CTR9: variants seen among roughly 807,000 people sequenced by gnomAD.
CTR9 encodes RNA polymerase-associated protein CTR9 homolog.
A neutral mutation model predicts 152.1 loss-of-function variants in CTR9; 41 were observed. The observed-to-expected ratio is 0.27, with a 90% CI of 0.21 to 0.35. The LOEUF (loss-of-function observed/expected upper bound fraction) is 0.35, where lower values mean the gene tolerates loss of function less well. Among genes scored for constraint, CTR9 ranks in the 10% least tolerant of loss-of-function variants. The pLI, the probability that CTR9 is intolerant of heterozygous loss-of-function variation, is 1.00. For missense variants in CTR9, 917 were observed against 1,424.4 expected (o/e 0.64, Z 5.73); for synonymous variants, 476 against 496.2 (o/e 0.96, Z 0.54).
chr11:10,764,343 C>G lies in CTR9; in HGVS notation c.1320C>G (p.Ile440Met). Reference sequence around the variant, plus strand: ...CAGCCTATGGAACAGCAACACGAATCCTTCAGGAGAAAGTGCAGGCCGATG... The same window carrying G: ...CAGCCTATGGAACAGCAACACGAATGCTTCAGGAGAAAGTGCAGGCCGATG... Reference protein sequence around the residue: ...ALSAYGTATRILQEKVQADVP... With the variant: ...ALSAYGTATRMLQEKVQADVP... Residue 440 changes from isoleucine (I) to methionine (M), a missense_variant, in exon 11 of 25, where the codon ATC (isoleucine) becomes ATG (methionine). Transcript: ENST00000361367. The G allele has an allele frequency of 6.2e-7, 1 of 1,614,112 alleles. No homozygotes were observed. Among genetic ancestry groups the G allele is most frequent in the Non-Finnish European group, 8.5e-7 (1 of 1,180,012 alleles).
rs1204723124 is a variant in CTR9 at position 10,775,692 on chromosome 11, C to T, written c.3095+59C>T. ...GATGTAGATAAATCAAAAGTGATTA[C>T]TAATCAGCCTGTCTGTACTAAGAAA... On this transcript the variant is annotated intron_variant, in intron 24 of 24. Coordinates refer to ENST00000361367, the MANE Select transcript of CTR9 (RefSeq NM_014633.5). The T allele has an allele frequency of 6.3e-6, 7 of 1,115,680 alleles. No individual in the cohort carries two copies. In the African/African-American group the frequency reaches 7.9e-5, roughly 13 times the overall value. 69.1% of individuals were successfully genotyped at this position (1,115,680 alleles called of 1,614,324 possible).
chr11:10,772,221 G>A (rs1244213158), intron 19 of CTR9, among the ~76,000 whole-genome samples: 2 of 151,974 alleles, frequency 1.3e-5, no homozygotes, highest in East Asian at 3.9e-4. Context: ...CAGGTATGGT[G>A]GTGCACACCT....
intron 3 of CTR9, 140 bp downstream of exon 3, chr11:10,755,337 C>T: frequency 9.5e-7 from 1 of 1,056,198 alleles, no homozygotes; most frequent in Admixed American, 2.5e-5. Context: ...AAAGGTTCCT[C>T]ATTAAAATCG....
At chr11:10,764,237 G>A (rs1863023930) in intron 10 of CTR9, 36 bp downstream of exon 10, 1 of 1,613,158 alleles carries the variant, frequency 6.2e-7, no homozygotes, top group Non-Finnish European at 8.5e-7. Flanking sequence ...CTCATATGAT[G>A]TGTTTTTTGT....
chr11:10,752,577 G>T, intron 1 of CTR9, 95 bp from the exon 2 acceptor site: 1 of 818,276 alleles, frequency 1.2e-6, no homozygotes, highest in Non-Finnish European at 2.1e-6. Flanking sequence ...CGTACTCTAT[G>T]TATATGCATG....
In CTR9 at chr11:10,770,628, C is replaced by A. The variant is rs772369446; in HGVS notation, c.2368C>A (p.His790Asn). The stretch of plus-strand genomic sequence containing the variant: ...TGCTGTGAAAGAACTGGAGCTTGCA[C>A]ATAGGTAAAGATTTTGTAGAAACAA... Reference protein sequence around the residue: ...LNAVKELELAHRYFSYLSKVG... With the variant: ...LNAVKELELANRYFSYLSKVG... Residue 790 changes from histidine to asparagine, a missense_variant, in exon 18 of 25, where the codon CAT (histidine) becomes AAT (asparagine). By Grantham distance (68) the His-to-Asn change is moderately conservative. Coordinates refer to ENST00000361367, the MANE Select transcript of CTR9 (RefSeq NM_014633.5). The A allele has an allele frequency of 6.2e-7, 1 of 1,608,448 alleles. No individual in the cohort carries two copies. Among genetic ancestry groups the A allele is most frequent in the East Asian group, 2.2e-5 (1 of 44,838 alleles).
intron 5 of CTR9, among the ~76,000 whole-genome samples, chr11:10,757,290 GA>G (rs1161179576): frequency 6.9e-6 from 1 of 144,760 alleles, no homozygotes. Context: ...GTCTCAAGGG[GA>G]AAAAAAAATA....
rs78660033 is a variant in CTR9 at position 10,754,829 on chromosome 11, C to T, written c.145-129C>T. The T allele has an allele frequency of 2.0e-3, 1,817 of 899,042 alleles. 19 individuals are homozygous for T. The African/African-American group carries it at 0.027, about 13-fold the overall frequency. The allele number at this position is 899,042 out of a possible 1,614,324, so 55.7% of individuals were successfully genotyped here. A position where few individuals can be genotyped will look rare whatever the true frequency, so the allele number is the denominator to read the frequency against. On this transcript the variant is annotated intron_variant, in intron 2 of 24. Transcript: ENST00000361367. ...ACACCACAGCTTGTTTATCCATTCACCTGTTAATCAACATTTTGATTGTTT... is the reference window on the plus strand; with the variant it reads ...ACACCACAGCTTGTTTATCCATTCATCTGTTAATCAACATTTTGATTGTTT...
At chr11:10,752,640 A>G (rs1204527905) in intron 1 of CTR9, 32 bp from the exon 2 acceptor site, 3 of 1,462,040 alleles carry the variant, frequency 2.1e-6, no homozygotes, top group African/African-American at 1.4e-5. Context: ...TTAAAGTGGA[A>G]TAAGAGTTAA....
chr11:10,754,153 A>G (rs1413902130), intron 2 of CTR9, among the ~76,000 whole-genome samples: 7 of 152,220 alleles, frequency 4.6e-5, no homozygotes, highest in African/African-American at 1.7e-4. Flanking sequence ...TTACAGGTAC[A>G]TACCACCACA....
At chr11:10,766,825 A>G (rs1050087228) in intron 13 of CTR9, among the ~76,000 whole-genome samples, 1 of 152,200 alleles carries the variant, frequency 6.6e-6, no homozygotes, top group Non-Finnish European at 1.5e-5. Context: ...AGTTAGTACC[A>G]TATGAGAGAA....
At position 10,767,818 on chromosome 11, in the gene CTR9, G is replaced by T. The variant is rs764986775; in HGVS notation, c.1699G>T (p.Ala567Ser). The T allele has an allele frequency of 5.6e-6, 9 of 1,613,888 alleles. No homozygotes were observed. The highest frequency in any genetic ancestry group is 3.4e-6 in the Non-Finnish European group (4 of 1,179,954). Residue 567 changes from alanine to serine, a missense_variant, in exon 14 of 25, where the codon GCT (alanine) becomes TCT (serine). Ala to Ser is a moderately conservative substitution (Grantham distance 99, BLOSUM62 1). Coordinates refer to ENST00000361367, the MANE Select transcript of CTR9 (RefSeq NM_014633.5). The surrounding 1 kb of genome is among the most constrained non-coding windows in gnomAD (Gnocchi z 4.0). ...ATGTATGTTTCAGGATCATCCAGAT[G>T]CTTGGTCTTTGATTGGCAATCTTCA... ...ALQINQDHPD[A>S]WSLIGNLHLA...
rs1863192369 is a variant in CTR9, at chr11:10,774,158, A to G, written c.2874A>G (p.Lys958=). The G allele has an allele frequency of 1.2e-6, 2 of 1,609,292 alleles. No individual in the cohort carries two copies. Among genetic ancestry groups the G allele is most frequent in the Non-Finnish European group, 1.7e-6 (2 of 1,177,754 alleles). ...AGGAGGGTGGTGAGAGAAAGAAGAAAAAGAGGAGAAGGTAATGTCATCATT... is the reference window on the plus strand; with the variant it reads ...AGGAGGGTGGTGAGAGAAAGAAGAAGAAGAGGAGAAGGTAATGTCATCATT... ...EDEEGGERKK[K]KRRRHPKGEE... is the part of the protein sequence containing the mutation. Residue 958 remains lysine, a synonymous_variant, in exon 22 of 25, where the codon AAA becomes AAG. Coordinates refer to ENST00000361367, the MANE Select transcript of CTR9 (RefSeq NM_014633.5).
intron 21 of CTR9, among the ~76,000 whole-genome samples, 194 bp downstream of exon 21, chr11:10,773,467 T>C (rs1863176496): frequency 6.6e-6 from 1 of 152,204 alleles, no homozygotes; most frequent in Non-Finnish European, 1.5e-5. Flanking sequence ...GTTTGCTAAG[T>C]GTATTTTACC....
intron 12 of CTR9, 79 bp from the exon 13 acceptor site, chr11:10,766,323 G>GT: frequency 8.9e-7 from 1 of 1,119,192 alleles, no homozygotes; most frequent in Non-Finnish European, 1.3e-6. Flanking sequence ...AAAAAAAATT[G>GT]TTTCAAAAGT....
chr11:10,772,242 C>G (rs994646576), intron 19 of CTR9, among the ~76,000 whole-genome samples: 1 of 151,934 alleles, frequency 6.6e-6, no homozygotes, highest in Non-Finnish European at 1.5e-5. Context: ...GTAATCCCAG[C>G]TACTCGGGAG....
chr11:10,777,989 C>T (rs780695559), intron 24 of CTR9, among the ~76,000 whole-genome samples: 3 of 152,178 alleles, frequency 2.0e-5, no homozygotes, highest in Non-Finnish European at 4.4e-5. Context: ...AGGGTGCTGC[C>T]ACCATTCTAA....
At position 10,767,658 on chromosome 11, in the gene CTR9, C is replaced by CA. The variant is rs201006625; in HGVS notation, c.1687-137dup. 0.029 allele frequency: 16,301 copies of CA among 557,090 alleles called. 3 individuals are homozygous for CA. The highest frequency in any genetic ancestry group is 0.049 in the East Asian group (1,428 of 28,910). 34.5% of individuals were successfully genotyped at this position (557,090 alleles called of 1,614,324 possible). On this transcript the variant is annotated intron_variant, in intron 13 of 24. Transcript: ENST00000361367. This position sits in a 1 kb window ranked among gnomAD's most constrained non-coding sequence, Gnocchi z 4.0. ...AGTTCGATAAATTTGGATTGCCATGCAAAAAAAAAAAGAAAGAAAGAAAAG... is the reference window on the plus strand; with the variant it reads ...AGTTCGATAAATTTGGATTGCCATGCAAAAAAAAAAAAGAAAGAAAGAAAAG...
chr11:10,763,914 G>C (rs774358256), intron 9 of CTR9, 35 bp downstream of exon 9: 10 of 1,511,540 alleles, frequency 6.6e-6, no homozygotes, highest in South Asian at 2.5e-5. Context: ...GCTGTTTTCT[G>C]TTAGCTGTCC....
Sources: allele counts gnomAD v4.1 joint callset (sites outside exome capture counted in the v4.1 genomes callset), GRCh38; gene constraint gnomAD v4.1.1; non-coding constraint Gnocchi (gnomAD v3.1); transcripts MANE v1.5; gene names NCBI Gene and HGNC (gene_info 2026-07-23, HGNC 2026-07-21).